Variants in SIN3A observed in about 807,000 individuals in gnomAD.
SIN3A encodes the protein SIN3 transcription regulator family member A.
SIN3A carries 14 observed loss-of-function variants against 146.1 expected under a neutral mutation model. That is an observed-to-expected ratio of 0.10 (90% CI 0.06 to 0.15). The LOEUF (loss-of-function observed/expected upper bound fraction) is 0.15. Ranked by LOEUF, SIN3A falls within the 10% of genes least tolerant of loss-of-function variation. The pLI is 1.00. For missense variants in SIN3A, 1,028 were observed against 1,576.0 expected, an observed-to-expected ratio of 0.65 and a Z score of 5.89; for synonymous variants, 572 against 572.0, an observed-to-expected ratio of 1.00 and a Z score of 0.00.
chr15:75,396,305 A>T lies in SIN3A; in HGVS notation c.2046T>A (p.Asp682Glu), dbSNP rs1159928965. ...IYADKAADII[D>E]GLRKNPSIAV... is the part of the protein sequence containing the mutation. ...CAATGGAGGGATTCTTTCTCAGACCATCAATGATGTCAGCTGCTTTATCAG... is the reference window on the plus strand; with the variant it reads ...CAATGGAGGGATTCTTTCTCAGACCTTCAATGATGTCAGCTGCTTTATCAG... Residue 682 changes from aspartate to glutamate, a missense_variant, in exon 13 of 21, where the codon GAT becomes GAA. Asp to Glu is a conservative substitution (Grantham distance 45, BLOSUM62 2). Transcript: ENST00000394947. 6.2e-7 allele frequency: 1 copy of T among 1,614,210 alleles called. No individual in the cohort carries two copies. The highest frequency in any genetic ancestry group is 8.5e-7 in the Non-Finnish European group (1 of 1,180,004).
rs994374046 is a variant in SIN3A, at chr15:75,370,530, T to A, written c.*1449A>T. Reference sequence around the variant, plus strand: ...TGTCTGCTAGTTTAAATTTATGTAATTAAAAAAATAGGTATCCCATTTCAA... The same window carrying A: ...TGTCTGCTAGTTTAAATTTATGTAAATAAAAAAATAGGTATCCCATTTCAA... On this transcript the variant is annotated 3_prime_UTR_variant, in exon 21 of 21. Coordinates refer to ENST00000394947, the MANE Select transcript of SIN3A (RefSeq NM_001145358.2). The A allele has an allele frequency of 5.9e-5, 9 of 152,140 alleles. No individual in the cohort carries two copies. The highest frequency in any genetic ancestry group is 2.2e-4 in the African/African-American group (9 of 41,436). The allele number at this position is 152,140 out of a possible 1,614,324, so 9.4% of individuals were successfully genotyped here.
At chr15:75,374,625 GCCTCTGCCTA>G (rs2141365580) in intron 20 of SIN3A, among the ~76,000 whole-genome samples, 1 of 152,292 alleles carries the variant, frequency 6.6e-6, no homozygotes, top group South Asian at 2.1e-4. Flanking sequence ...AAGTGATGTG[GCCTCTGCCTA>G]CCCTTCTAAC....
chr15:75,382,628 T>C (rs1363058717), intron 17 of SIN3A, among the ~76,000 whole-genome samples: 1 of 152,178 alleles, frequency 6.6e-6, no homozygotes, highest in East Asian at 1.9e-4. Context: ...CCCAGAAGTG[T>C]TGTTAATTGA....
rs1488021800 is a variant in SIN3A at position 75,384,423 on chromosome 15, C to G, written c.3036G>C (p.Val1012=). 2 of 1,610,066 alleles carry G rather than the reference C, an allele frequency of 1.2e-6. No homozygotes were observed. The highest frequency in any genetic ancestry group is 4.5e-5 in the East Asian group (2 of 44,610). The change falls in exon 17 of 21, where the codon GTG becomes GTC. Residue 1012 remains valine (V), a synonymous_variant. Transcript: ENST00000394947. ...TCACCTGCACACAGATCTCATCACTCACGATATGCTGCAGCTGGAAGCAAA... is the reference window on the plus strand; with the variant it reads ...TCACCTGCACACAGATCTCATCACTGACGATATGCTGCAGCTGGAAGCAAA... ...QSIVRQLQHI[V]SDEICVQVTD... is the part of the protein sequence containing the mutation.
chr15:75,446,071 G>A (rs377130891), intron 1 of SIN3A, among the ~76,000 whole-genome samples: 1 of 152,008 alleles, frequency 6.6e-6, no homozygotes, highest in South Asian at 2.1e-4. Flanking sequence ...GAGATACAAC[G>A]GTAAACAAAA....
chr15:75,427,558 G>A (rs1236215145), intron 2 of SIN3A, among the ~76,000 whole-genome samples: 3 of 152,046 alleles, frequency 2.0e-5, no homozygotes, highest in African/African-American at 7.3e-5. Context: ...TACTCGGGAG[G>A]CTGAGGCAAG....
Position 75,451,571 on chromosome 15 carries a change from C to T in SIN3A, c.-182G>A, listed in dbSNP as rs1211172414. 8.1e-6 allele frequency: 1 copy of T among 122,730 alleles called. No individual in the cohort carries two copies. The highest frequency in any genetic ancestry group is 1.6e-5 in the Non-Finnish European group (1 of 60,972). The allele number at this position is 122,730 out of a possible 1,614,324, so 7.6% of individuals were successfully genotyped here. On this transcript the variant is annotated 5_prime_UTR_variant, in exon 1 of 21. Coordinates refer to ENST00000394947, the MANE Select transcript of SIN3A (RefSeq NM_001145358.2). ...CCACTAACGAAGCGGTCACAGGCTC[C>T]GGTGCCCAGACTGGGAAGGAGGGAG...
intron 12 of SIN3A, among the ~76,000 whole-genome samples, chr15:75,399,300 G>A (rs561530088): frequency 1.3e-4 from 20 of 152,014 alleles, no homozygotes; most frequent in Admixed American, 4.6e-4. Context: ...AGGCCGAGAC[G>A]GGTGGATCAC....
Position 75,400,721 on chromosome 15 carries a change from A to T in SIN3A, c.1737+9T>A. On this transcript the variant is annotated intron_variant, in intron 11 of 20. Transcript: ENST00000394947. ...ACCCAGGGCTGATCTTTGCTAGGGA[A>T]GGCCTTACCTCTTTACAGAGAGGAG... 1 of 1,610,322 alleles carries T rather than the reference A, an allele frequency of 6.2e-7. No homozygotes were observed. The highest frequency in any genetic ancestry group is 8.5e-7 in the Non-Finnish European group (1 of 1,177,720).
chr15:75,403,443 CCATAATAA>C (rs545657047), intron 9 of SIN3A, among the ~76,000 whole-genome samples: 22 of 151,602 alleles, frequency 1.5e-4, no homozygotes, highest in Non-Finnish European at 2.5e-4. Context: ...AAAAAAAATA[CCATAATAA>C]CAATTTAAAA....
chr15:75,446,445 CT>C (rs1249099584), intron 1 of SIN3A: 1 of 150,284 alleles, frequency 6.7e-6, no homozygotes, highest in Non-Finnish European at 1.5e-5. Flanking sequence ...CAGAGAGGTA[CT>C]AGGATAAGGG....
rs968807786 is a variant in SIN3A, at chr15:75,445,295, T to G, written c.-34+6128A>C. On this transcript the variant is annotated intron_variant, in intron 1 of 20. Coordinates refer to ENST00000394947, the MANE Select transcript of SIN3A (RefSeq NM_001145358.2). ...ACTCAGGAGGCTGAGACAGGAGAAC[T>G]GCTTGAACCTGGGAAGGGGAGATTG... 8.2e-5 allele frequency among the ~76,000 whole-genome samples: 12 copies of G among 145,984 alleles called. No homozygotes were observed. The East Asian group carries it at 1.6e-3, about 20-fold the overall frequency.
chr15:75,375,589 T>C (rs2072839659), intron 20 of SIN3A, 76 bp downstream of exon 20: 1 of 1,153,764 alleles, frequency 8.7e-7, no homozygotes, highest in African/African-American at 1.5e-5. Flanking sequence ...AGAAAAACAA[T>C]CAGAAGACTC....
intron 3 of SIN3A, among the ~76,000 whole-genome samples, chr15:75,416,259 G>T (rs2073734902): frequency 6.6e-6 from 1 of 152,158 alleles, no homozygotes; most frequent in Non-Finnish European, 1.5e-5. Context: ...CTGACGTGGG[G>T]AAAACACCTT....
chr15:75,422,599 C>G (rs1487057618), intron 3 of SIN3A, 48 bp downstream of exon 3: 1 of 1,599,926 alleles, frequency 6.3e-7, no homozygotes, highest in South Asian at 1.1e-5. Flanking sequence ...ACCAGTATTT[C>G]CTGCTAAAGA....
intron 1 of SIN3A, chr15:75,447,578 C>T (rs1342998813): frequency 6.6e-6 from 1 of 152,240 alleles, no homozygotes; most frequent in Admixed American, 6.6e-5. Flanking sequence ...CATAATCAAG[C>T]AGTCACATTT....
intron 11 of SIN3A, 92 bp from the exon 12 acceptor site, chr15:75,400,248 G>C (rs1421078171): frequency 2.8e-6 from 2 of 704,098 alleles, no homozygotes; most frequent in Non-Finnish European, 5.0e-6. Context: ...CTCTAGCAGA[G>C]AAATAGGCAA....
intron 3 of SIN3A, 47 bp downstream of exon 3, chr15:75,422,600 C>T (rs1010390981): frequency 1.2e-6 from 2 of 1,601,448 alleles, no homozygotes; most frequent in African/African-American, 1.3e-5. Flanking sequence ...CCAGTATTTC[C>T]TGCTAAAGAT....
chr15:75,373,496 T>C (rs2072794194), intron 20 of SIN3A, among the ~76,000 whole-genome samples: 1 of 152,118 alleles, frequency 6.6e-6, no homozygotes, highest in African/African-American at 2.4e-5. Flanking sequence ...TTCAGCCTAC[T>C]CAACAAGATG....
Sources: allele counts gnomAD v4.1 joint callset (sites outside exome capture counted in the v4.1 genomes callset), GRCh38; gene constraint gnomAD v4.1.1; transcripts MANE v1.5; gene names NCBI Gene and HGNC (gene_info 2026-07-23, HGNC 2026-07-21).